TENM4: variants seen among roughly 807,000 people sequenced by gnomAD.
TENM4 encodes the protein teneurin transmembrane protein 4, also known as teneurin-4.
Under a neutral mutation model 243.3 loss-of-function variants are expected in TENM4, and 82 were observed. That is an observed-to-expected ratio of 0.34 (90% CI 0.28 to 0.40). The LOEUF is 0.40. Ranked by LOEUF, TENM4 falls within the 10% of genes least tolerant of loss-of-function variation. The pLI is 1.00. For missense variants in TENM4, 3,138 were observed against 3,673.3 expected, an observed-to-expected ratio of 0.85 and a Z score of 3.77; for synonymous variants, 1,412 against 1,456.3, an observed-to-expected ratio of 0.97 and a Z score of 0.69.
At chr11:78,712,044 C>T (rs1224909144) in intron 26 of TENM4, among the ~76,000 whole-genome samples, 3 of 152,210 alleles carry the variant, frequency 2.0e-5, no homozygotes, top group East Asian at 1.9e-4. Flanking sequence ...TATGAAAACA[C>T]GATACACTAA....
At chr11:79,290,927 A>G (rs899142831) in intron 2 of TENM4, among the ~76,000 whole-genome samples, 1 of 152,184 alleles carries the variant, frequency 6.6e-6, no homozygotes. Flanking sequence ...GTTTGTTTGT[A>G]AAGGCACAGC....
At chr11:78,923,762 A>G (rs573971421) in intron 6 of TENM4, among the ~76,000 whole-genome samples, 1 of 131,228 alleles carries the variant, frequency 7.6e-6, no homozygotes, top group Non-Finnish European at 1.6e-5. Flanking sequence ...CTGGTCTCAA[A>G]CTCCTGACCT....
chr11:78,939,236 G>A (rs2136449583), intron 6 of TENM4, among the ~76,000 whole-genome samples: 1 of 152,320 alleles, frequency 6.6e-6, no homozygotes, highest in Admixed American at 6.5e-5. Context: ...ATACGGCTGA[G>A]CTTTTCACAG....
chr11:78,723,229 A>C (rs1296805076), intron 23 of TENM4, among the ~76,000 whole-genome samples: 1 of 152,258 alleles, frequency 6.6e-6, no homozygotes, highest in Non-Finnish European at 1.5e-5. Context: ...AGAGCTCCAG[A>C]GTCTGGGCGC....
At chr11:79,409,894 T>A (rs956210016) in intron 1 of TENM4, among the ~76,000 whole-genome samples, 2 of 152,180 alleles carry the variant, frequency 1.3e-5, no homozygotes, top group Admixed American at 1.3e-4. Context: ...CCAGCAGGAA[T>A]GAGCTCTAGT....
chr11:78,665,243 CTTTCTTTTCTT>C (rs1858128323), intron 32 of TENM4, among the ~76,000 whole-genome samples: 1 of 143,620 alleles, frequency 7.0e-6, no homozygotes, highest in African/African-American at 2.6e-5. Flanking sequence ...TTCTTTCTCT[CTTTCTTTTCTT>C]TTTCTTTTTT....
intron 32 of TENM4, among the ~76,000 whole-genome samples, chr11:78,665,163 TTCTTTC>T (rs1362653662): frequency 1.3e-5 from 2 of 151,902 alleles, no homozygotes; most frequent in African/African-American, 4.8e-5. Flanking sequence ...TTTCTTTTCT[TTCTTTC>T]TCTTTCTTTT....
At chr11:79,415,342 C>G (rs543408863) in intron 1 of TENM4, among the ~76,000 whole-genome samples, 13 of 152,346 alleles carry the variant, frequency 8.5e-5, no homozygotes, top group African/African-American at 3.1e-4. Context: ...CCCAGGTTGA[C>G]TCACGTGAAT....
At chr11:79,212,142 T>C (rs967350909) in intron 3 of TENM4, among the ~76,000 whole-genome samples, 3 of 152,202 alleles carry the variant, frequency 2.0e-5, no homozygotes, top group African/African-American at 7.2e-5. Flanking sequence ...TGCAAGGTCT[T>C]GTGACATTTA....
intron 4 of TENM4, chr11:79,096,238 G>T (rs1159727759): frequency 6.6e-6 from 1 of 152,152 alleles, no homozygotes; most frequent in African/African-American, 2.4e-5. Flanking sequence ...CACCATGCTG[G>T]GTCCTGGCAA....
chr11:78,875,956 A>C (rs1379234848), intron 9 of TENM4, among the ~76,000 whole-genome samples: 1 of 152,198 alleles, frequency 6.6e-6, no homozygotes. Flanking sequence ...ACAGAAGGGC[A>C]ATGTGGCCCT....
chr11:78,884,776 C>A (rs1313017414), intron 9 of TENM4, among the ~76,000 whole-genome samples: 1 of 152,180 alleles, frequency 6.6e-6, no homozygotes, highest in African/African-American at 2.4e-5. Context: ...GAAAATAATT[C>A]GAAAGCATCA....
At chr11:79,132,637 T>G (rs886096815) in intron 4 of TENM4, among the ~76,000 whole-genome samples, 2 of 152,064 alleles carry the variant, frequency 1.3e-5, no homozygotes, top group East Asian at 3.9e-4. Flanking sequence ...TTAAATTATA[T>G]CGAGCTCTGT....
intron 12 of TENM4, among the ~76,000 whole-genome samples, chr11:78,849,743 C>T (rs1015355294): frequency 6.6e-6 from 1 of 152,118 alleles, no homozygotes; most frequent in African/African-American, 2.4e-5. Flanking sequence ...CTTTTAACAA[C>T]CCTGAACCTT....
intron 1 of TENM4, among the ~76,000 whole-genome samples, chr11:79,322,196 C>G (rs1275897031): frequency 6.6e-6 from 1 of 152,096 alleles, no homozygotes; most frequent in East Asian, 1.9e-4. Flanking sequence ...CAAAGTCTTA[C>G]TCTTCCCTTC....
intron 6 of TENM4, among the ~76,000 whole-genome samples, chr11:79,005,107 G>T (rs1291195547): frequency 6.6e-6 from 1 of 152,050 alleles, no homozygotes. Flanking sequence ...TCCTGAAATT[G>T]AATCAGTAAT....
intron 4 of TENM4, among the ~76,000 whole-genome samples, chr11:79,127,251 C>T (rs1433013556): frequency 6.6e-6 from 1 of 152,208 alleles, no homozygotes; most frequent in East Asian, 1.9e-4. Context: ...AATATCCATC[C>T]CTGCAGGGAT....
intron 6 of TENM4, among the ~76,000 whole-genome samples, chr11:78,925,860 A>G (rs1250464438): frequency 1.3e-5 from 2 of 152,108 alleles, no homozygotes; most frequent in African/African-American, 4.8e-5. Flanking sequence ...GCAAAGAAAA[A>G]AAAAAGCAAT....
intron 6 of TENM4, among the ~76,000 whole-genome samples, chr11:78,941,950 T>A (rs928704766): frequency 6.6e-6 from 1 of 151,966 alleles, no homozygotes; most frequent in African/African-American, 2.4e-5. Flanking sequence ...CTAGACACAC[T>A]GAGGACAGCA....
Sources: allele counts gnomAD v4.1 joint callset (sites outside exome capture counted in the v4.1 genomes callset), GRCh38; gene constraint gnomAD v4.1.1; transcripts MANE v1.5; gene names NCBI Gene and HGNC (gene_info 2026-07-23, HGNC 2026-07-21).